ITLN2: variants seen among roughly 807,000 people sequenced by gnomAD.
ITLN2 encodes the protein intelectin 2.
A neutral mutation model predicts 39.4 loss-of-function variants in ITLN2; 29 were observed. The observed-to-expected ratio is 0.74, with a 90% confidence interval of 0.55 to 1.00. ITLN2 has a LOEUF of 1.00. Ranked by LOEUF, ITLN2 falls within the 50% of genes least tolerant of loss-of-function variation. The probability of loss-of-function intolerance (pLI) is 0.00; values close to 1 mark genes in which losing one functional copy is unlikely to be tolerated. For missense variants in ITLN2, 412 were observed against 416.7 expected (o/e 0.99, Z 0.10); for synonymous variants, 156 against 153.4 (o/e 1.02, Z -0.12).
In ITLN2 at chr1:160,945,187, A is replaced by T; in HGVS notation, c.931T>A (p.Cys311Ser). 6.2e-7 allele frequency: 1 copy of T among 1,607,772 alleles called. No individual in the cohort carries two copies. Among genetic ancestry groups the T allele is most frequent in the South Asian group, 1.1e-5 (1 of 89,904 alleles). The change falls in exon 8 of 8, where the codon TGC (cysteine) becomes AGC (serine). Residue 311 changes from cysteine to serine, a missense_variant. Physicochemically the swap from Cys to Ser is moderately radical, Grantham distance 112. Transcript: ENST00000368029. ...GCCGCCTCCGTTATCTCCCGACTGC[A>T]GCTGCTCTTAACGTGAGTTCCATAT... ...DGYGTHVKSS[C>S]SREITEAAVL...
intron 4 of ITLN2, 48 bp downstream of exon 4, chr1:160,950,995 A>C: frequency 1.2e-6 from 2 of 1,613,978 alleles, no homozygotes; most frequent in Non-Finnish European, 1.7e-6. Context: ...GTGGCCAGCC[A>C]CACTCCACAC....
chr1:160,945,917 AT>A (rs1671590309), intron 7 of ITLN2, among the ~76,000 whole-genome samples: 1 of 152,174 alleles, frequency 6.6e-6, no homozygotes, highest in Admixed American at 6.5e-5. Context: ...ATTGGAGAAT[AT>A]TTTCACGACC....
chr1:160,950,792 G>T, intron 4 of ITLN2, 81 bp from the exon 5 acceptor site: 1 of 1,550,518 alleles, frequency 6.4e-7, no homozygotes, highest in Non-Finnish European at 8.7e-7. Context: ...CCTCAGCTGG[G>T]CTGAGAGCTC....
In ITLN2 at chr1:160,951,075, A is replaced by G. The variant is rs141731306; in HGVS notation, c.409T>C (p.Ser137Pro). 30 of 1,614,072 alleles carry G rather than the reference A, an allele frequency of 1.9e-5. No individual in the cohort carries two copies. In the African/African-American group the frequency reaches 4.0e-4, roughly 22 times the overall value. The change falls in exon 4 of 8, where the codon TCT becomes CCT. Residue 137 changes from serine to proline, a missense_variant. Physicochemically the swap from Ser to Pro is moderately conservative, Grantham distance 74. Coordinates refer to ENST00000368029, the MANE Select transcript of ITLN2 (RefSeq NM_080878.3). ...GNWANYNTFG[S>P]AEAATSDDYK... Reference sequence around the variant, plus strand: ...TCATCGCTCGTGGCCGCCTCTGCAGATCCAAAGGTGTTGTAGTTGGCCCAG... The same window carrying G: ...TCATCGCTCGTGGCCGCCTCTGCAGGTCCAAAGGTGTTGTAGTTGGCCCAG...
At chr1:160,953,643 G>A (rs551879986) in intron 2 of ITLN2, among the ~76,000 whole-genome samples, 6 of 152,010 alleles carry the variant, frequency 3.9e-5, no homozygotes, top group East Asian at 1.9e-4. Flanking sequence ...CCCAGGAGAC[G>A]GAGGTTGCAG....
chr1:160,954,637 C>T (rs1169086654), intron 1 of ITLN2, 90 bp downstream of exon 1: 15 of 1,497,022 alleles, frequency 1.0e-5, no homozygotes, highest in Non-Finnish European at 1.3e-5. Flanking sequence ...GGGCCATGGG[C>T]TCATTTCCCT....
At chr1:160,950,506 T>C (rs1238115802) in intron 5 of ITLN2, 47 bp downstream of exon 5, 1 of 1,595,996 alleles carries the variant, frequency 6.3e-7, no homozygotes, top group Non-Finnish European at 8.5e-7. Flanking sequence ...GACACTTCGA[T>C]CTCTGTTCAC....
chr1:160,952,603 G>A lies in ITLN2; in HGVS notation c.193+17C>T, dbSNP rs1312703808. ...AGTGGCTTCAAAGAGAGAATGCTGA[G>A]TTGGTTCATTACTCACCACCTGCAC... On this transcript the variant is annotated intron_variant, in intron 3 of 7. Coordinates refer to ENST00000368029, the MANE Select transcript of ITLN2 (RefSeq NM_080878.3). 1.3e-6 allele frequency: 2 copies of A among 1,570,380 alleles called. No individual in the cohort carries two copies. Among genetic ancestry groups the A allele is most frequent in the South Asian group, 2.2e-5 (2 of 90,144 alleles).
chr1:160,950,515 A>G (rs202190177), intron 5 of ITLN2, 38 bp downstream of exon 5: 438 of 1,603,474 alleles, frequency 2.7e-4, no homozygotes, highest in Non-Finnish European at 3.5e-4. Context: ...ATCTCTGTTC[A>G]CCAAAGAAAG....
Position 160,952,603 on chromosome 1 carries a change from G to T in ITLN2, c.193+17C>A. Reference sequence around the variant, plus strand: ...AGTGGCTTCAAAGAGAGAATGCTGAGTTGGTTCATTACTCACCACCTGCAC... The same window carrying T: ...AGTGGCTTCAAAGAGAGAATGCTGATTTGGTTCATTACTCACCACCTGCAC... On this transcript the variant is annotated intron_variant, in intron 3 of 7. Transcript: ENST00000368029. The T allele has an allele frequency of 6.4e-7, 1 of 1,570,380 alleles. No homozygotes were observed. Among genetic ancestry groups the T allele is most frequent in the Non-Finnish European group, 8.8e-7 (1 of 1,140,190 alleles).
rs1239036545 is a variant in ITLN2, at chr1:160,954,467, T to C, written c.16-17A>G. 16 of 1,567,226 alleles carry C rather than the reference T, an allele frequency of 1.0e-5. No individual in the cohort carries two copies. Among genetic ancestry groups the C allele is most frequent in the Non-Finnish European group, 1.2e-5 (14 of 1,152,280 alleles). On this transcript the variant is annotated splice_polypyrimidine_tract_variant and intron_variant, in intron 1 of 7. Transcript: ENST00000368029. ...CATTGTCCTCTAAGGAAAAACAAGA[T>C]GCACAAGGTCACTGGCTGGCCCTTC...
intron 6 of ITLN2, 80 bp from the exon 7 acceptor site, chr1:160,948,112 T>A: frequency 3.4e-6 from 4 of 1,175,148 alleles, no homozygotes; most frequent in East Asian, 2.4e-5. Flanking sequence ...AGTCCAGGGA[T>A]TCCCTAAGCC....
chr1:160,954,572 T>C, intron 1 of ITLN2, 122 bp from the exon 2 acceptor site: 2 of 1,209,026 alleles, frequency 1.7e-6, no homozygotes, highest in African/African-American at 1.5e-5. Flanking sequence ...CTCATGAGCA[T>C]TCTAAAACCT....
At position 160,945,730 on chromosome 1, in the gene ITLN2, G is replaced by A. The variant is rs187199690; in HGVS notation, c.826-438C>T. The stretch of plus-strand genomic sequence containing the variant: ...GTGAGTTCAGACTGTCAGTTGGGGA[G>A]GGAAGGGGGCCCTAAGTGAATGCCC... On this transcript the variant is annotated intron_variant, in intron 7 of 7. Coordinates refer to ENST00000368029, the MANE Select transcript of ITLN2 (RefSeq NM_080878.3). Among the ~76,000 whole-genome samples the A allele has an allele frequency of 8.5e-5, 13 of 152,292 alleles. No individual in the cohort carries two copies. In the East Asian group the frequency reaches 2.3e-3, roughly 27 times the overall value.
At chr1:160,946,163 T>TGAAACCCCGTCTCTACTA (rs1192688723) in intron 7 of ITLN2, among the ~76,000 whole-genome samples, 1 of 151,526 alleles carries the variant, frequency 6.6e-6, no homozygotes, top group African/African-American at 2.4e-5. Flanking sequence ...ACAAAAAAAT[T>TGAAACCCCGTCTCTACTA]AGCCGGGTGT....
intron 2 of ITLN2, among the ~76,000 whole-genome samples, chr1:160,952,965 C>T (rs1671779151): frequency 6.6e-6 from 1 of 152,156 alleles, no homozygotes; most frequent in African/African-American, 2.4e-5. Context: ...AGACACCGGA[C>T]AAAGACAATT....
chr1:160,952,868 G>A (rs558328451), intron 2 of ITLN2, 135 bp from the exon 3 acceptor site: 23 of 633,528 alleles, frequency 3.6e-5, no homozygotes, highest in Admixed American at 2.1e-4. Context: ...ATGCTAAGAC[G>A]GTCTGATCCA....
intron 2 of ITLN2, 107 bp from the exon 3 acceptor site, chr1:160,952,840 G>T: frequency 1.3e-6 from 1 of 764,966 alleles, no homozygotes; most frequent in South Asian, 1.6e-5. Flanking sequence ...TGAAGTCCCA[G>T]GAGGTCAGGG....
Position 160,950,017 on chromosome 1 carries a change from A to G in ITLN2, c.721+29T>C, listed in dbSNP as rs763228525. On this transcript the variant is annotated intron_variant, in intron 6 of 7. Transcript: ENST00000368029. ...TCTCCAAGAGTACAAGAAAATATTT[A>G]TGACTGGACTTAGGGAGCAAACACT... 4.4e-6 allele frequency: 7 copies of G among 1,598,632 alleles called. 1 individual carries two copies. The South Asian group carries it at 5.6e-5, about 13-fold the overall frequency.
Sources: allele counts gnomAD v4.1 joint callset (sites outside exome capture counted in the v4.1 genomes callset), GRCh38; gene constraint gnomAD v4.1.1; transcripts MANE v1.5; gene names NCBI Gene and HGNC (gene_info 2026-07-23, HGNC 2026-07-21).